The following MALRD1 variants were observed in gnomAD, a reference collection of about 807,000 sequenced individuals.
MALRD1 encodes MAM and LDL receptor class A domain containing 1, also known as MAM and LDL-receptor class A domain-containing protein 1.
Under a neutral mutation model 242.1 loss-of-function variants are expected in MALRD1, and 247 were observed. That is an observed-to-expected ratio of 1.02 (90% CI 0.92 to 1.13). The LOEUF is 1.13. MALRD1 is among the 50% of genes most tolerant of loss of function. The pLI is 0.00. For synonymous variants in MALRD1, 995 were observed against 866.6 expected (o/e 1.15, Z -2.60); for missense variants, 2,989 against 2,533.1 (o/e 1.18, Z -3.86).
At chr10:19,455,352 A>C (rs1835589830) in intron 29 of MALRD1, among the ~76,000 whole-genome samples, 1 of 152,208 alleles carries the variant, frequency 6.6e-6, no homozygotes, top group Non-Finnish European at 1.5e-5. Flanking sequence ...AAGTACAGTC[A>C]TTCACCTGAT....
chr10:19,340,302 G>A (rs141917143), intron 24 of MALRD1, among the ~76,000 whole-genome samples: 1,525 of 151,330 alleles, frequency 0.01, 29 homozygotes, highest in African/African-American at 0.035. Flanking sequence ...ATTTTAAAAT[G>A]TAAAATTAAT....
intron 29 of MALRD1, among the ~76,000 whole-genome samples, chr10:19,481,149 T>G (rs962626374): frequency 6.6e-6 from 1 of 152,172 alleles, no homozygotes; most frequent in Admixed American, 6.6e-5. Context: ...CCTCTGTGTA[T>G]TGCCAGTGAA....
chr10:19,492,545 G>A (rs909143270), intron 30 of MALRD1, among the ~76,000 whole-genome samples: 1 of 152,128 alleles, frequency 6.6e-6, no homozygotes, highest in Non-Finnish European at 1.5e-5. Context: ...ACTAGAGATG[G>A]TGTCTCATCC....
intron 8 of MALRD1, among the ~76,000 whole-genome samples, chr10:19,129,888 T>C (rs1239715920): frequency 1.3e-5 from 2 of 150,204 alleles, no homozygotes; most frequent in African/African-American, 4.9e-5. Context: ...AATATATAGA[T>C]AAATATGGAT....
chr10:19,670,207 G>A (rs1589381483), intron 36 of MALRD1, among the ~76,000 whole-genome samples: 1 of 152,080 alleles, frequency 6.6e-6, no homozygotes, highest in Non-Finnish European at 1.5e-5. Context: ...TACTCCAAAT[G>A]TATGCTTTCT....
intron 33 of MALRD1, among the ~76,000 whole-genome samples, chr10:19,582,526 T>G (rs1383741662): frequency 7.4e-6 from 1 of 135,126 alleles, no homozygotes; most frequent in African/African-American, 2.6e-5. Flanking sequence ...AAAGATCAGA[T>G]AGTTGTAGAT....
intron 3 of MALRD1, 34 bp downstream of exon 3, chr10:19,087,968 G>T (rs574203552): frequency 2.8e-4 from 351 of 1,231,992 alleles, no homozygotes; most frequent in Non-Finnish European, 2.5e-4. Flanking sequence ...TAAATATTTT[G>T]TCACATTTGG....
intron 28 of MALRD1, among the ~76,000 whole-genome samples, chr10:19,418,110 G>A (rs1330025068): frequency 6.6e-6 from 1 of 151,848 alleles, no homozygotes. Context: ...TCATCATAAA[G>A]TAAAGCCTTA....
intron 26 of MALRD1, among the ~76,000 whole-genome samples, chr10:19,381,822 G>C (rs191526056): frequency 6.6e-6 from 1 of 152,132 alleles, no homozygotes; most frequent in African/African-American, 2.4e-5. Flanking sequence ...CTGGGTGACA[G>C]AGTAAGACTC....
intron 28 of MALRD1, among the ~76,000 whole-genome samples, chr10:19,402,631 T>C (rs7073760): frequency 0.87 from 131,725 of 151,716 alleles, 57,540 homozygotes; most frequent in African/African-American, 0.92. Flanking sequence ...TAATATACCC[T>C]ATCTCCAAAA....
rs138107153 is a variant in MALRD1 at position 19,165,118 on chromosome 10, G to A, written c.1657-519G>A. Among the ~76,000 whole-genome samples, 13 of 151,320 alleles carry A rather than the reference G, an allele frequency of 8.6e-5. No individual in the cohort carries two copies. In the East Asian group the frequency reaches 2.5e-3, roughly 29 times the overall value. ...GTCTCAATGTGTACCTCTCATATTT[G>A]TAAGAAGCCAGAGAGAAGGATTCTG... On this transcript the variant is annotated intron_variant, in intron 12 of 39. Transcript: ENST00000454679.
chr10:19,264,768 A>C (rs891873097), intron 19 of MALRD1, among the ~76,000 whole-genome samples: 1 of 151,170 alleles, frequency 6.6e-6, no homozygotes, highest in Non-Finnish European at 1.5e-5. Context: ...TGATCTTAAA[A>C]AATGAGTTTG....
At chr10:19,187,731 G>A (rs1390059635) in intron 14 of MALRD1, among the ~76,000 whole-genome samples, 4 of 152,082 alleles carry the variant, frequency 2.6e-5, no homozygotes, top group African/African-American at 9.7e-5. Context: ...AATACCACAT[G>A]TTCTCACTCG....
chr10:19,101,954 C>A (rs1836277239), intron 4 of MALRD1, among the ~76,000 whole-genome samples: 1 of 130,036 alleles, frequency 7.7e-6, no homozygotes, highest in Non-Finnish European at 1.6e-5. Flanking sequence ...ATATCTGTAT[C>A]TATATAATAT....
intron 14 of MALRD1, among the ~76,000 whole-genome samples, chr10:19,189,043 A>C (rs1240345849): frequency 2.0e-5 from 3 of 152,124 alleles, no homozygotes; most frequent in African/African-American, 7.2e-5. Context: ...GGAGAGAGAG[A>C]AAGGGAGAGA....
intron 38 of MALRD1, among the ~76,000 whole-genome samples, chr10:19,700,019 T>TATACAC (rs1336233122): frequency 2.5e-5 from 3 of 119,426 alleles, no homozygotes; most frequent in African/African-American, 1.1e-4. Flanking sequence ...GAAATTGATT[T>TATACAC]AGACACACAC....
chr10:19,222,005 G>T (rs996589431), intron 18 of MALRD1, among the ~76,000 whole-genome samples: 2 of 152,086 alleles, frequency 1.3e-5, no homozygotes, highest in African/African-American at 4.8e-5. Context: ...GAACATAAAT[G>T]CTTTCAATTC....
chr10:19,278,909 T>C (rs1215361791), intron 19 of MALRD1, among the ~76,000 whole-genome samples: 3 of 152,034 alleles, frequency 2.0e-5, no homozygotes, highest in Non-Finnish European at 4.4e-5. Flanking sequence ...TAAATTGCAA[T>C]GGGAAGGGGA....
intron 31 of MALRD1, among the ~76,000 whole-genome samples, chr10:19,530,385 T>TTGATATAA (rs1564417186): frequency 1.2e-5 from 1 of 85,284 alleles, no homozygotes; most frequent in Non-Finnish European, 2.1e-5. Flanking sequence ...ATAAATATTA[T>TTGATATAA]ATATTTATAT....
Sources: gnomAD v4.1 joint callset for allele counts (sites outside exome capture counted in the v4.1 genomes callset) on GRCh38, gnomAD v4.1.1 for gene constraint, MANE v1.5 for transcripts, NCBI Gene and HGNC (gene_info 2026-07-23, HGNC 2026-07-21) for gene names.